LAMA2: variants seen among roughly 807,000 people sequenced by gnomAD.
LAMA2 encodes the protein laminin subunit alpha 2.
Under a neutral mutation model 364.8 loss-of-function variants are expected in LAMA2, and 269 were observed. The observed-to-expected ratio is 0.74, with a 90% CI of 0.67 to 0.82. LAMA2 has a LOEUF of 0.82. Ranked by LOEUF, LAMA2 falls within the 40% of genes least tolerant of loss-of-function variation. The pLI is 0.00. For missense variants in LAMA2, 3,807 were observed against 3,873.2 expected (o/e 0.98, Z 0.45); for synonymous variants, 1,379 against 1,370.6 (o/e 1.01, Z -0.14).
chr6:129,505,351 G>T lies in LAMA2; in HGVS notation c.8699G>T (p.Gly2900Val). The change falls in exon 61 of 65, where the codon GGT becomes GTT. Residue 2900 changes from glycine (G) to valine (V), a missense_variant. Gly to Val is a moderately radical substitution (Grantham distance 109, BLOSUM62 -3). Around this residue, in one of 3 missense-constraint regions of LAMA2, gnomAD observed 3,333 missense variants for 3,345.7 expected, o/e 1.00. Coordinates refer to ENST00000421865, the MANE Select transcript of LAMA2 (RefSeq NM_000426.4). The part of the protein sequence containing the change: ...LPINYTTRRI[G>V]PVTYSIDGCV... ...ATCAACTACACTACCCGAAGAATTG[G>T]TCCAGTAAATATCTGATTTCTTCTT... is the stretch of plus-strand genomic sequence containing the variant. 6.2e-7 allele frequency: 1 copy of T among 1,611,398 alleles called. No homozygotes were observed. The highest frequency in any genetic ancestry group is 1.3e-5 in the African/African-American group (1 of 74,954).
chr6:128,946,964 T>C (rs1241625259), intron 1 of LAMA2, among the ~76,000 whole-genome samples: 1 of 152,228 alleles, frequency 6.6e-6, no homozygotes, highest in African/African-American at 2.4e-5. Flanking sequence ...TTTATATTTT[T>C]CCCCTAATTC....
intron 51 of LAMA2, among the ~76,000 whole-genome samples, chr6:129,468,732 TG>T (rs1228648615): frequency 1.3e-5 from 2 of 151,962 alleles, no homozygotes; most frequent in African/African-American, 4.8e-5. Flanking sequence ...CTACCTGCTT[TG>T]ATAAGATTAG....
At chr6:129,323,244 T>C (rs980020930) in intron 28 of LAMA2, among the ~76,000 whole-genome samples, 1 of 152,210 alleles carries the variant, frequency 6.6e-6, no homozygotes, top group East Asian at 1.9e-4. Flanking sequence ...CCCATTCCAG[T>C]AACATATGCT....
rs147999894 is a variant in LAMA2 at position 129,010,134 on chromosome 6, T to G, written c.113-39784T>G. Among the ~76,000 whole-genome samples, 42 of 152,318 alleles carry G rather than the reference T, an allele frequency of 2.8e-4. 1 individual carries two copies. Among genetic ancestry groups the G allele is most frequent in the African/African-American group, 1.0e-3 (42 of 41,574 alleles). On this transcript the variant is annotated intron_variant, in intron 1 of 64. Transcript: ENST00000421865. The stretch of plus-strand genomic sequence containing the variant: ...AGACTGGCTACTGAAGGGGTTTGTT[T>G]AAAAGATTTAAAAATCTCTTCAGAG...
chr6:129,099,987 A>G (rs1055779530), intron 4 of LAMA2, among the ~76,000 whole-genome samples: 1 of 152,162 alleles, frequency 6.6e-6, no homozygotes, highest in African/African-American at 2.4e-5. Context: ...ATTATTTTTT[A>G]TCCTAGATTC....
At chr6:128,911,474 C>T (rs1237349610) in intron 1 of LAMA2, among the ~76,000 whole-genome samples, 2 of 152,208 alleles carry the variant, frequency 1.3e-5, no homozygotes, top group East Asian at 3.9e-4. Context: ...CCGAGTGAGG[C>T]AATGCCTCAC....
At chr6:128,890,436 A>C (rs1192147266) in intron 1 of LAMA2, among the ~76,000 whole-genome samples, 1 of 152,062 alleles carries the variant, frequency 6.6e-6, no homozygotes, top group Non-Finnish European at 1.5e-5. Context: ...AGGAAAAAAA[A>C]ATCCATTTCT....
At chr6:128,895,131 C>A (rs1776684175) in intron 1 of LAMA2, among the ~76,000 whole-genome samples, 1 of 152,082 alleles carries the variant, frequency 6.6e-6, no homozygotes. Context: ...AGAGTGATAC[C>A]ATTTCTTTTT....
intron 16 of LAMA2, among the ~76,000 whole-genome samples, chr6:129,268,772 G>T (rs906293720): frequency 2.0e-5 from 3 of 152,056 alleles, no homozygotes; most frequent in Non-Finnish European, 4.4e-5. Context: ...ACATCTTGAT[G>T]ATAAAGACAG....
intron 1 of LAMA2, among the ~76,000 whole-genome samples, chr6:128,910,695 TGGA>T (rs938715620): frequency 2.6e-5 from 4 of 152,222 alleles, no homozygotes; most frequent in African/African-American, 7.2e-5. Context: ...TGCGTTCCTT[TGGA>T]GGAGGAGAGG....
intron 1 of LAMA2, 113 bp from the exon 2 acceptor site, chr6:129,049,805 T>C: frequency 1.2e-6 from 1 of 839,034 alleles, no homozygotes. Context: ...AATTATCTCA[T>C]GTTGGGTTAC....
chr6:128,921,628 A>G (rs1279752743), intron 1 of LAMA2, among the ~76,000 whole-genome samples: 4 of 152,056 alleles, frequency 2.6e-5, no homozygotes. Flanking sequence ...TACTGTGTCT[A>G]GAAGGAACCA....
At chr6:129,157,649 T>G in intron 8 of LAMA2, 1 of 1,612,206 alleles carries the variant, frequency 6.2e-7, no homozygotes, top group Non-Finnish European at 8.5e-7. Flanking sequence ...CTCGTAGACA[T>G]TCATCACTGT....
chr6:129,058,838 T>C (rs1788675464), intron 2 of LAMA2, among the ~76,000 whole-genome samples: 1 of 152,150 alleles, frequency 6.6e-6, no homozygotes, highest in Admixed American at 6.5e-5. Context: ...AATAACCCAA[T>C]AGGAGCATAG....
chr6:129,277,370 A>G (rs1788402553), intron 17 of LAMA2, among the ~76,000 whole-genome samples: 1 of 152,104 alleles, frequency 6.6e-6, no homozygotes, highest in African/African-American at 2.4e-5. Context: ...TCTCACTCTA[A>G]TTTTATTTTT....
At chr6:129,493,290 G>A (rs1025901071) in intron 58 of LAMA2, among the ~76,000 whole-genome samples, 3 of 152,046 alleles carry the variant, frequency 2.0e-5, no homozygotes, top group African/African-American at 7.2e-5. Flanking sequence ...AGGTCATATA[G>A]CCTTGATTAG....
chr6:129,177,426 T>C (rs1296328899), intron 9 of LAMA2, among the ~76,000 whole-genome samples: 2 of 152,220 alleles, frequency 1.3e-5, no homozygotes, highest in Non-Finnish European at 2.9e-5. Flanking sequence ...TTGGTCATTG[T>C]TTTCTATAGC....
At chr6:129,333,155 G>T (rs1157521195) in intron 29 of LAMA2, among the ~76,000 whole-genome samples, 1 of 151,994 alleles carries the variant, frequency 6.6e-6, no homozygotes, top group African/African-American at 2.4e-5. Flanking sequence ...GCCTCCCAAA[G>T]TTCAGGGATT....
chr6:129,331,481 A>C (rs1057447118), intron 29 of LAMA2, among the ~76,000 whole-genome samples: 1 of 151,982 alleles, frequency 6.6e-6, no homozygotes, highest in African/African-American at 2.4e-5. Context: ...CCACTACTGC[A>C]TGCACCCACT....
Sources: allele counts gnomAD v4.1 joint callset (sites outside exome capture counted in the v4.1 genomes callset), GRCh38; gene constraint gnomAD v4.1.1; regional missense constraint gnomAD v4.1.1; transcripts MANE v1.5; gene names NCBI Gene and HGNC (gene_info 2026-07-23, HGNC 2026-07-21).